Variants in SCN4B observed in about 807,000 individuals in gnomAD.
SCN4B encodes the protein sodium voltage-gated channel beta subunit 4.
A neutral mutation model predicts 19.6 loss-of-function variants in SCN4B; 20 were observed. That is an observed-to-expected ratio of 1.02 (90% CI 0.72 to 1.48). The LOEUF is 1.48. SCN4B is among the 40% of genes most tolerant of loss of function. The pLI is 0.00. For synonymous variants in SCN4B, 127 were observed against 122.8 expected (o/e 1.03, Z -0.22); for missense variants, 271 against 287.5 (o/e 0.94, Z 0.42).
chr11:118,151,910 C>G (rs1948236258), intron 1 of SCN4B, among the ~76,000 whole-genome samples: 1 of 152,230 alleles, frequency 6.6e-6, no homozygotes, highest in Non-Finnish European at 1.5e-5. Flanking sequence ...CTGGACATGT[C>G]TTCTCTGTCT....
rs753517628 is a variant in SCN4B at position 118,134,061 on chromosome 11, T to C, written c.*2966A>G. ...CCCACCTCCTGCCATCTCACAAGCATGCTCTCAAGCCCTCGCTCCACAAGA... is the reference window on the plus strand; with the variant it reads ...CCCACCTCCTGCCATCTCACAAGCACGCTCTCAAGCCCTCGCTCCACAAGA... On this transcript the variant is annotated 3_prime_UTR_variant, in exon 5 of 5. Coordinates refer to ENST00000324727, the MANE Select transcript of SCN4B (RefSeq NM_174934.4). 2.2e-6 allele frequency: 1 copy of C among 454,558 alleles called. No individual in the cohort carries two copies. The highest frequency in any genetic ancestry group is 4.4e-6 in the Non-Finnish European group (1 of 226,790). The allele number at this position is 454,558 out of a possible 1,614,324, so 28.2% of individuals were successfully genotyped here. A position where few individuals can be genotyped will look rare whatever the true frequency, so the allele number is the denominator to read the frequency against.
At position 118,134,444 on chromosome 11, in the gene SCN4B, T is replaced by C. The variant is rs942974483; in HGVS notation, c.*2583A>G. On this transcript the variant is annotated 3_prime_UTR_variant, in exon 5 of 5. Coordinates refer to ENST00000324727, the MANE Select transcript of SCN4B (RefSeq NM_174934.4). Reference sequence around the variant, plus strand: ...ACATCCTAGTGCAAATCCATGCCAGTGTTTCTCCATGGGTATAATGTTGAC... The same window carrying C: ...ACATCCTAGTGCAAATCCATGCCAGCGTTTCTCCATGGGTATAATGTTGAC... The C allele has an allele frequency of 9.0e-5, 41 of 454,094 alleles. No individual in the cohort carries two copies. The highest frequency in any genetic ancestry group is 7.0e-4 in the African/African-American group (35 of 50,118). 28.1% of individuals were successfully genotyped at this position (454,094 alleles called of 1,614,324 possible).
intron 1 of SCN4B, among the ~76,000 whole-genome samples, chr11:118,146,326 C>A (rs1948175722): frequency 6.6e-6 from 1 of 151,986 alleles, no homozygotes; most frequent in African/African-American, 2.4e-5. Context: ...CACACCCACC[C>A]CCAGTCCTGC....
chr11:118,139,537 A>G (rs555930895), intron 4 of SCN4B, among the ~76,000 whole-genome samples: 1 of 79,032 alleles, frequency 1.3e-5, no homozygotes, highest in Non-Finnish European at 2.8e-5. Context: ...TTCCTATAGC[A>G]TCTGGCACAG....
At chr11:118,146,111 G>A (rs573352389) in intron 1 of SCN4B, among the ~76,000 whole-genome samples, 1 of 151,854 alleles carries the variant, frequency 6.6e-6, no homozygotes, top group South Asian at 2.1e-4. Flanking sequence ...GTCCCCTCCT[G>A]AGCCCTGCAG....
In SCN4B at chr11:118,143,900, A is replaced by T; in HGVS notation, c.396T>A (p.His132Gln). 1 of 1,613,872 alleles carries T rather than the reference A, an allele frequency of 6.2e-7. No homozygotes were observed. The highest frequency in any genetic ancestry group is 8.5e-7 in the Non-Finnish European group (1 of 1,180,036). The stretch of plus-strand genomic sequence containing the variant: ...GATTATTCTCCTTGGGGTTCTTCAC[A>T]TGGCAGGTGTATTTGCCCGTGTCGC... Reference protein sequence around the residue: ...EFSDTGKYTCHVKNPKENNLQ... With the variant: ...EFSDTGKYTCQVKNPKENNLQ... Residue 132 changes from histidine (H) to glutamine (Q), a missense_variant, in exon 3 of 5, where the codon CAT becomes CAA. Coordinates refer to ENST00000324727, the MANE Select transcript of SCN4B (RefSeq NM_174934.4).
chr11:118,141,171 G>A, intron 4 of SCN4B, 36 bp downstream of exon 4: 1 of 1,612,188 alleles, frequency 6.2e-7, no homozygotes, highest in Non-Finnish European at 8.5e-7. Context: ...GTGGTGGGCT[G>A]CTGGGAGGAC....
intron 3 of SCN4B, 130 bp from the exon 4 acceptor site, chr11:118,141,466 G>T: frequency 9.3e-7 from 1 of 1,075,136 alleles, no homozygotes; most frequent in Non-Finnish European, 1.4e-6. Context: ...TCCACTCCCA[G>T]ACCCCCAGCC....
rs927113930 is a variant in SCN4B, at chr11:118,136,356, G to T, written c.*671C>A. ...AGAGAGCAGAGGAGCAGGCTAGGTG[G>T]CCAGGAACCCTCAAGACCAGGGTGG... On this transcript the variant is annotated 3_prime_UTR_variant, in exon 5 of 5. Transcript: ENST00000324727. 6.6e-6 allele frequency: 3 copies of T among 453,772 alleles called. No individual in the cohort carries two copies. The highest frequency in any genetic ancestry group is 6.0e-5 in the African/African-American group (3 of 49,914). 28.1% of individuals were successfully genotyped at this position (453,772 alleles called of 1,614,324 possible).
Position 118,134,387 on chromosome 11 carries a change from G to A in SCN4B, c.*2640C>T, listed in dbSNP as rs774993881. On this transcript the variant is annotated 3_prime_UTR_variant, in exon 5 of 5. Coordinates refer to ENST00000324727, the MANE Select transcript of SCN4B (RefSeq NM_174934.4). ...CCATCAGAGATTTGCATGCACTGAG[G>A]TTCCACTTGGGGAAGATAGCTTTGC... 2.2e-5 allele frequency: 10 copies of A among 454,020 alleles called. No homozygotes were observed. The highest frequency in any genetic ancestry group is 7.8e-5 in the South Asian group (5 of 64,484). The allele number at this position is 454,020 out of a possible 1,614,324, so 28.1% of individuals were successfully genotyped here. A position where few individuals can be genotyped will look rare whatever the true frequency, so the allele number is the denominator to read the frequency against.
Position 118,136,883 on chromosome 11 carries a change from A to G in SCN4B, c.*144T>C, listed in dbSNP as rs1591431536. 1 of 708,458 alleles carries G rather than the reference A, an allele frequency of 1.4e-6. No individual in the cohort carries two copies. Among genetic ancestry groups the G allele is most frequent in the Non-Finnish European group, 2.6e-6 (1 of 388,438 alleles). The allele number at this position is 708,458 out of a possible 1,614,324, so 43.9% of individuals were successfully genotyped here. On this transcript the variant is annotated 3_prime_UTR_variant, in exon 5 of 5. Coordinates refer to ENST00000324727, the MANE Select transcript of SCN4B (RefSeq NM_174934.4). ...GAAGGGGATGGGCAGGCTGGGCAGGACTCTGGTTTCTTGTGCCCGGAAAGA... is the reference window on the plus strand; with the variant it reads ...GAAGGGGATGGGCAGGCTGGGCAGGGCTCTGGTTTCTTGTGCCCGGAAAGA...
intron 4 of SCN4B, among the ~76,000 whole-genome samples, chr11:118,139,482 T>A (rs1368173563): frequency 4.6e-5 from 7 of 152,234 alleles, no homozygotes; most frequent in African/African-American, 9.7e-5. Context: ...TTTATTTGTA[T>A]CTTGTCTTCT....
intron 3 of SCN4B, among the ~76,000 whole-genome samples, 199 bp downstream of exon 3, chr11:118,143,634 T>C (rs1478650471): frequency 6.6e-6 from 1 of 152,216 alleles, no homozygotes; most frequent in Non-Finnish European, 1.5e-5. Context: ...TTAGAGAGTA[T>C]TTCATAAGCT....
In SCN4B at chr11:118,136,320, C is replaced by G. The variant is rs1289834467; in HGVS notation, c.*707G>C. On this transcript the variant is annotated 3_prime_UTR_variant, in exon 5 of 5. Coordinates refer to ENST00000324727, the MANE Select transcript of SCN4B (RefSeq NM_174934.4). ...GCTCGAGGGGCCCCTTCCTGAGCCC[C>G]TCAGTAACCCAGAGAGCAGAGGAGC... 5 of 453,852 alleles carry G rather than the reference C, an allele frequency of 1.1e-5. No homozygotes were observed. Among genetic ancestry groups the G allele is most frequent in the Non-Finnish European group, 2.2e-5 (5 of 226,698 alleles). The allele number at this position is 453,852 out of a possible 1,614,324, so 28.1% of individuals were successfully genotyped here.
intron 1 of SCN4B, among the ~76,000 whole-genome samples, chr11:118,151,706 A>C (rs745968683): frequency 6.6e-6 from 1 of 152,212 alleles, no homozygotes; most frequent in Non-Finnish European, 1.5e-5. Context: ...CCAAAAGCCA[A>C]ATCTGACCAA....
intron 1 of SCN4B, chr11:118,145,773 C>T: frequency 4.3e-6 from 1 of 234,546 alleles, no homozygotes; most frequent in East Asian, 1.1e-4. Flanking sequence ...GTCCAGTAGC[C>T]TCTCGTTCCC....
In SCN4B at chr11:118,148,661, G is replaced by C. The variant is rs1948206843; in HGVS notation, c.62-3432C>G. Among the ~76,000 whole-genome samples the C allele has an allele frequency of 6.6e-6, 1 of 152,258 alleles. No homozygotes were observed. Among genetic ancestry groups the C allele is most frequent in the African/African-American group, 2.4e-5 (1 of 41,536 alleles). On this transcript the variant is annotated intron_variant, in intron 1 of 4. Transcript: ENST00000324727. The surrounding 1 kb of genome is among the most constrained non-coding windows in gnomAD (Gnocchi z 4.0). ...GGTAGAGGAGGGTGGTATTTGAAAG[G>C]GGAGCAGGGGACAAGGGTGTCCCTC... is the stretch of plus-strand genomic sequence containing the variant.
chr11:118,135,183 T>G lies in SCN4B; in HGVS notation c.*1844A>C. On this transcript the variant is annotated 3_prime_UTR_variant, in exon 5 of 5. Coordinates refer to ENST00000324727, the MANE Select transcript of SCN4B (RefSeq NM_174934.4). The stretch of plus-strand genomic sequence containing the variant: ...AATCTGAGCCCCAGCCCATGACAGG[T>G]TCTGGGTAGAGAAGAATGGGAGGCG... 2.2e-6 allele frequency: 1 copy of G among 454,020 alleles called. No individual in the cohort carries two copies. Among genetic ancestry groups the G allele is most frequent in the Non-Finnish European group, 4.4e-6 (1 of 226,758 alleles). The allele number at this position is 454,020 out of a possible 1,614,324, so 28.1% of individuals were successfully genotyped here. A position where few individuals can be genotyped will look rare whatever the true frequency, so the allele number is the denominator to read the frequency against.
At chr11:118,146,741 T>C (rs533636610) in intron 1 of SCN4B, among the ~76,000 whole-genome samples, 13 of 152,312 alleles carry the variant, frequency 8.5e-5, no homozygotes, top group Non-Finnish European at 1.5e-4. Context: ...CTAGCTGATA[T>C]TAACTGAGCA....
Sources: gnomAD v4.1 joint callset for allele counts (sites outside exome capture counted in the v4.1 genomes callset) on GRCh38, gnomAD v4.1.1 for gene constraint, Gnocchi (gnomAD v3.1) non-coding constraint, MANE v1.5 for transcripts, NCBI Gene and HGNC (gene_info 2026-07-23, HGNC 2026-07-21) for gene names.